HECW1: variants seen among roughly 807,000 people sequenced by gnomAD.
HECW1 encodes the protein HECT, C2 and WW domain containing E3 ubiquitin protein ligase 1.
In HECW1, 61 loss-of-function variants were observed where a neutral mutation model predicts 182.3. The ratio of observed to expected loss-of-function variants is 0.33; its 90% CI spans 0.27 to 0.41. The LOEUF (loss-of-function observed/expected upper bound fraction) is 0.41, where lower values mean the gene tolerates loss of function less well. Among genes scored for constraint, HECW1 ranks in the 10% least tolerant of loss-of-function variants. The pLI, the probability that HECW1 is intolerant of heterozygous loss-of-function variation, is 1.00. For synonymous variants in HECW1, 859 were observed against 832.6 expected (o/e 1.03, Z -0.55); for missense variants, 1,739 against 2,108.9 (o/e 0.82, Z 3.44).
intron 5 of HECW1, among the ~76,000 whole-genome samples, chr7:43,340,243 C>T (rs1262249112): frequency 4.5e-4 from 49 of 109,802 alleles, no homozygotes; most frequent in Admixed American, 1.7e-3. Flanking sequence ...TTTTCTAAGA[C>T]GGAGTATCGC....
intron 3 of HECW1, among the ~76,000 whole-genome samples, chr7:43,253,176 G>A (rs1286636460): frequency 6.6e-6 from 1 of 152,006 alleles, no homozygotes; most frequent in East Asian, 1.9e-4. Context: ...AGCCCGTTTC[G>A]GGAACCACTG....
At chr7:43,213,592 C>G (rs981269065) in intron 2 of HECW1, among the ~76,000 whole-genome samples, 17 of 151,756 alleles carry the variant, frequency 1.1e-4, no homozygotes, top group Middle Eastern at 3.4e-3. Context: ...ACTACAGGCG[C>G]CCGCCACCAT....
At chr7:43,251,623 C>T (rs989948952) in intron 3 of HECW1, among the ~76,000 whole-genome samples, 1 of 152,120 alleles carries the variant, frequency 6.6e-6, no homozygotes, top group Non-Finnish European at 1.5e-5. Flanking sequence ...GCCACAAAAT[C>T]TAGTTTCTTT....
chr7:43,263,239 G>C (rs890615132), intron 3 of HECW1, among the ~76,000 whole-genome samples: 1 of 152,214 alleles, frequency 6.6e-6, no homozygotes, highest in East Asian at 1.9e-4. Context: ...TAAGGACATA[G>C]AGATGGGGGT....
At chr7:43,251,720 G>C (rs894695776) in intron 3 of HECW1, among the ~76,000 whole-genome samples, 1 of 152,176 alleles carries the variant, frequency 6.6e-6, no homozygotes, top group African/African-American at 2.4e-5. Flanking sequence ...AAACCCAGCC[G>C]ATGCTCTGGT....
chr7:43,149,913 A>G (rs1789116198), intron 2 of HECW1, among the ~76,000 whole-genome samples: 2 of 152,120 alleles, frequency 1.3e-5, no homozygotes, highest in African/African-American at 4.8e-5. Flanking sequence ...AACTCAAACA[A>G]TTTTGAATTA....
intron 17 of HECW1, among the ~76,000 whole-genome samples, chr7:43,489,438 C>G (rs778238283): frequency 1.1e-4 from 17 of 152,156 alleles, no homozygotes; most frequent in Admixed American, 2.6e-4. Context: ...GATCAGCAAA[C>G]TTTTCTTTCA....
chr7:43,469,262 G>T (rs907354509), intron 16 of HECW1, among the ~76,000 whole-genome samples, 157 bp downstream of exon 16: 5 of 152,238 alleles, frequency 3.3e-5, no homozygotes, highest in Admixed American at 6.5e-5. Flanking sequence ...CCCACATCTG[G>T]GTTTCTCAAC....
chr7:43,479,933 G>A (rs1379453670), intron 17 of HECW1, among the ~76,000 whole-genome samples, 189 bp downstream of exon 17: 1 of 152,178 alleles, frequency 6.6e-6, no homozygotes, highest in African/African-American at 2.4e-5. Flanking sequence ...GCTGTCTTCA[G>A]TTACCTTTTC....
intron 27 of HECW1, among the ~76,000 whole-genome samples, chr7:43,551,293 T>G (rs373525501): frequency 6.6e-6 from 1 of 152,072 alleles, no homozygotes; most frequent in East Asian, 1.9e-4. Context: ...ACAAAACAAG[T>G]CTTCCCAGAT....
At chr7:43,373,485 C>G (rs900754673) in intron 6 of HECW1, among the ~76,000 whole-genome samples, 23 of 152,012 alleles carry the variant, frequency 1.5e-4, no homozygotes, top group African/African-American at 4.8e-4. Context: ...TTCCCTGTCT[C>G]GCTCTGAAAA....
chr7:43,521,102 G>A (rs766465945), intron 24 of HECW1, among the ~76,000 whole-genome samples: 4 of 152,164 alleles, frequency 2.6e-5, no homozygotes, highest in South Asian at 2.1e-4. Flanking sequence ...TCACCAAAAG[G>A]ACATAAGAGT....
At chr7:43,471,517 C>G (rs1027703052) in intron 16 of HECW1, among the ~76,000 whole-genome samples, 6 of 152,228 alleles carry the variant, frequency 3.9e-5, no homozygotes, top group Non-Finnish European at 7.3e-5. Flanking sequence ...AATGCGTGGT[C>G]ATCTCTACAA....
chr7:43,374,292 A>G (rs1339543081), intron 6 of HECW1, among the ~76,000 whole-genome samples: 1 of 152,210 alleles, frequency 6.6e-6, no homozygotes, highest in Non-Finnish European at 1.5e-5. Context: ...GATTCAAGAG[A>G]ACATTGTATC....
rs10951720 is a variant in HECW1, at chr7:43,287,085, C to A, written c.28-24678C>A. Among the ~76,000 whole-genome samples the A allele has an allele frequency of 2.6e-5, 4 of 151,756 alleles. 1 individual carries two copies. The highest frequency in any genetic ancestry group is 2.1e-4 in the South Asian group (1 of 4,810). On this transcript the variant is annotated intron_variant, in intron 3 of 29. Transcript: ENST00000395891. ...ACGTAGTAGTGAACGTAACAAAGTC[C>A]TCATGGAATGTACCTTGTTGTGAGA...
At chr7:43,318,782 G>A (rs1809664402) in intron 4 of HECW1, among the ~76,000 whole-genome samples, 1 of 152,254 alleles carries the variant, frequency 6.6e-6, no homozygotes, top group African/African-American at 2.4e-5. Flanking sequence ...ATCATGAAAA[G>A]GGCTCTCTGC....
chr7:43,158,414 A>G (rs1298776897), intron 2 of HECW1, among the ~76,000 whole-genome samples: 1 of 129,680 alleles, frequency 7.7e-6, no homozygotes, highest in Non-Finnish European at 1.8e-5. Context: ...TCAAGTAATA[A>G]GAACTTACCC....
At chr7:43,208,764 G>C (rs989862397) in intron 2 of HECW1, among the ~76,000 whole-genome samples, 1 of 152,192 alleles carries the variant, frequency 6.6e-6, no homozygotes, top group Non-Finnish European at 1.5e-5. Context: ...CCCAGGGCTG[G>C]TGGTCAGTGC....
intron 17 of HECW1, among the ~76,000 whole-genome samples, chr7:43,488,706 A>G (rs2078816581): frequency 6.6e-6 from 1 of 152,144 alleles, no homozygotes; most frequent in South Asian, 2.1e-4. Flanking sequence ...AACTGTCTTC[A>G]TCGCTGTCCA....
Sources: gnomAD v4.1 joint callset for allele counts (sites outside exome capture counted in the v4.1 genomes callset) on GRCh38, gnomAD v4.1.1 for gene constraint, MANE v1.5 for transcripts, NCBI Gene and HGNC (gene_info 2026-07-23, HGNC 2026-07-21) for gene names.